NPFFR1: variants seen among roughly 807,000 people sequenced by gnomAD.
NPFFR1 encodes the protein neuropeptide FF receptor 1, also known as G-protein coupled receptor 147.
Under a neutral mutation model 12.7 loss-of-function variants are expected in NPFFR1, and 17 were observed. The ratio of observed to expected loss-of-function variants is 1.34; its 90% confidence interval spans 0.92 to 2.01. The LOEUF (loss-of-function observed/expected upper bound fraction) is 2.01, where lower values mean the gene tolerates loss of function less well. NPFFR1 is among the 30% of genes most tolerant of loss of function. The pLI is 0.00. For missense variants in NPFFR1, 604 were observed against 606.5 expected, an observed-to-expected ratio of 1.00 and a Z score of 0.04; for synonymous variants, 296 against 264.5, an observed-to-expected ratio of 1.12 and a Z score of -1.16.
Position 70,266,459 on chromosome 10 carries a change from A to G in NPFFR1, c.8-68T>C, listed in dbSNP as rs1840692565. 3 of 1,278,392 alleles carry G rather than the reference A, an allele frequency of 2.3e-6. No individual in the cohort carries two copies. The South Asian group carries it at 4.4e-5, about 19-fold the overall frequency. The allele number at this position is 1,278,392 out of a possible 1,614,324, so 79.2% of individuals were successfully genotyped here. On this transcript the variant is annotated intron_variant, in intron 1 of 3. Coordinates refer to ENST00000277942, the MANE Select transcript of NPFFR1 (RefSeq NM_022146.5). ...AGAGATTACCGATTTCTCACCACTA[A>G]TGAGACCCTCTGTGTGCCAAACCTT...
chr10:70,261,424 G>A (rs1840632320), intron 2 of NPFFR1, among the ~76,000 whole-genome samples: 1 of 152,150 alleles, frequency 6.6e-6, no homozygotes, highest in African/African-American at 2.4e-5. Context: ...ATAGCAGCAT[G>A]AGAATGGCCT....
Position 70,283,742 on chromosome 10 carries a change from C to G in NPFFR1, c.-66G>C, listed in dbSNP as rs1840886414. 2 of 1,514,004 alleles carry G rather than the reference C, an allele frequency of 1.3e-6. No individual in the cohort carries two copies. Among genetic ancestry groups the G allele is most frequent in the African/African-American group, 2.8e-5 (2 of 72,620 alleles). The allele number at this position is 1,514,004 out of a possible 1,614,324, so 93.8% of individuals were successfully genotyped here. On this transcript the variant is annotated 5_prime_UTR_variant, in exon 1 of 4. Transcript: ENST00000277942. Reference sequence around the variant, plus strand: ...GAGGCAGCGGGCCCCTTCGGGCCAGCGGGCAGAGGGACGGTCTCCGGGCAC... The same window carrying G: ...GAGGCAGCGGGCCCCTTCGGGCCAGGGGGCAGAGGGACGGTCTCCGGGCAC...
chr10:70,264,366 C>CAAAAAAAAAAAAAAAAAA (rs56178146), intron 2 of NPFFR1, among the ~76,000 whole-genome samples: 1 of 74,582 alleles, frequency 1.3e-5, no homozygotes, highest in African/African-American at 5.5e-5. Context: ...AGTGAGACTC[C>CAAAAAAAAAAAAAAAAAA]AAAAAAAAAA....
At position 70,252,393 on chromosome 10, in the gene NPFFR1, A is replaced by G. The variant is rs193138190; in HGVS notation, c.*2564T>C. ...CTAGGAGGAGAGGGGATGCGGTGAT[A>G]TTGTTTATAGATACAGAGTTGCAGT... On this transcript the variant is annotated 3_prime_UTR_variant, in exon 4 of 4. Transcript: ENST00000277942. 6.6e-6 allele frequency: 1 copy of G among 152,336 alleles called. No individual in the cohort carries two copies. Among genetic ancestry groups the G allele is most frequent in the East Asian group, 1.9e-4 (1 of 5,182 alleles). 9.4% of individuals were successfully genotyped at this position (152,336 alleles called of 1,614,324 possible). A position where few individuals can be genotyped will look rare whatever the true frequency, so the allele number is the denominator to read the frequency against.
At position 70,255,970 on chromosome 10, in the gene NPFFR1, T is replaced by A; in HGVS notation, c.423-143A>T. ...ACAGCTCAGACCTGAATTGGCTGAG[T>A]AGTCAAAGAACAAAGGCAGCTACAG... On this transcript the variant is annotated intron_variant, in intron 3 of 3. Transcript: ENST00000277942. This position sits in a 1 kb window ranked among gnomAD's most constrained non-coding sequence, Gnocchi z 4.2. 1.2e-6 allele frequency: 1 copy of A among 834,634 alleles called. No individual in the cohort carries two copies. The highest frequency in any genetic ancestry group is 1.8e-6 in the Non-Finnish European group (1 of 546,914). 51.7% of individuals were successfully genotyped at this position (834,634 alleles called of 1,614,324 possible). A position where few individuals can be genotyped will look rare whatever the true frequency, so the allele number is the denominator to read the frequency against.
intron 1 of NPFFR1, among the ~76,000 whole-genome samples, chr10:70,266,973 G>C (rs576476017): frequency 8.5e-5 from 13 of 152,320 alleles, no homozygotes; most frequent in Middle Eastern, 3.4e-3. Context: ...AATGGTAACA[G>C]CTTCCTGTGG....
intron 1 of NPFFR1, among the ~76,000 whole-genome samples, chr10:70,267,437 C>A (rs1485404560): frequency 6.6e-6 from 1 of 152,116 alleles, no homozygotes; most frequent in African/African-American, 2.4e-5. Context: ...TTTTTTTAAA[C>A]CCTCATTGAA....
Position 70,266,381 on chromosome 10 carries a change from G to C in NPFFR1, c.18C>G (p.Ser6=). Residue 6 remains serine (S), a synonymous_variant, in exon 2 of 4, where the codon TCC becomes TCG. Transcript: ENST00000277942. MEGEP[S]QPPNSSWPLS... is the part of the protein sequence containing the mutation. Reference sequence around the variant, plus strand: ...GGGGCCAACTGCTGTTGGGAGGCTGGGAGGGCTCCCCTAGGACCAAAGGAA... The same window carrying C: ...GGGGCCAACTGCTGTTGGGAGGCTGCGAGGGCTCCCCTAGGACCAAAGGAA... The C allele has an allele frequency of 6.2e-7, 1 of 1,612,418 alleles. No homozygotes were observed. The highest frequency in any genetic ancestry group is 8.5e-7 in the Non-Finnish European group (1 of 1,179,054).
chr10:70,257,700 G>A (rs1385508941), intron 3 of NPFFR1, among the ~76,000 whole-genome samples: 3 of 152,352 alleles, frequency 2.0e-5, no homozygotes, highest in East Asian at 3.9e-4. Context: ...TTGAGATAGA[G>A]GAAGGCCACT....
rs1462890042 is a variant in NPFFR1 at position 70,253,334 on chromosome 10, T to C, written c.*1623A>G. ...TTAGGCAAAAAAGCCTTTGGGGAAA[T>C]TACCAGCTCTCCCGTCATCCCCACC... On this transcript the variant is annotated 3_prime_UTR_variant, in exon 4 of 4. Coordinates refer to ENST00000277942, the MANE Select transcript of NPFFR1 (RefSeq NM_022146.5). 2.0e-5 allele frequency: 3 copies of C among 152,000 alleles called. No individual in the cohort carries two copies. Among genetic ancestry groups the C allele is most frequent in the South Asian group, 2.1e-4 (1 of 4,826 alleles). 9.4% of individuals were successfully genotyped at this position (152,000 alleles called of 1,614,324 possible).
In NPFFR1 at chr10:70,249,516, T is replaced by A. The variant is rs979121937; in HGVS notation, c.*5441A>T. The A allele has an allele frequency of 6.6e-6, 1 of 152,066 alleles. No homozygotes were observed. The highest frequency in any genetic ancestry group is 2.4e-5 in the African/African-American group (1 of 41,386). 9.4% of individuals were successfully genotyped at this position (152,066 alleles called of 1,614,324 possible). ...ATTATTATTTGAGATGGAATCTCAC[T>A]CTGTCACCTAGGCTGGAGTGCAGTG... On this transcript the variant is annotated 3_prime_UTR_variant, in exon 4 of 4. Transcript: ENST00000277942.
chr10:70,260,731 A>G lies in NPFFR1; in HGVS notation c.331T>C (p.Phe111Leu). The change falls in exon 3 of 4, where the codon TTC (phenylalanine) becomes CTC (leucine). Residue 111 changes from phenylalanine to leucine, a missense_variant. Transcript: ENST00000277942. Reference sequence around the variant, plus strand: ...CTCATCTTGCATGTGGCATTGTCGAAGGGCCACCCTGCAATGACAGAGGCC... The same window carrying G: ...CTCATCTTGCATGTGGCATTGTCGAGGGGCCACCCTGCAATGACAGAGGCC... ...LVDNLITGWP[F>L]DNATCKMSGL... The G allele has an allele frequency of 6.3e-7, 1 of 1,599,486 alleles. No homozygotes were observed. The highest frequency in any genetic ancestry group is 8.5e-7 in the Non-Finnish European group (1 of 1,173,182).
intron 2 of NPFFR1, 89 bp downstream of exon 2, chr10:70,265,988 T>C (rs148861033): frequency 3.2e-6 from 4 of 1,264,346 alleles, no homozygotes; most frequent in East Asian, 2.3e-5. Context: ...AGCAATGATA[T>C]CTGTCTTCTA....
chr10:70,263,077 A>C (rs1306335898), intron 2 of NPFFR1, among the ~76,000 whole-genome samples: 1 of 152,072 alleles, frequency 6.6e-6, no homozygotes, highest in South Asian at 2.1e-4. Flanking sequence ...TGAGGTGGGA[A>C]GATCTCTTGA....
At chr10:70,265,580 G>C (rs116962914) in intron 2 of NPFFR1, among the ~76,000 whole-genome samples, 10 of 152,144 alleles carry the variant, frequency 6.6e-5, no homozygotes, top group Non-Finnish European at 1.5e-4. Flanking sequence ...TGGAGTTTTC[G>C]TTCCCGATTC....
chr10:70,257,855 C>T (rs1276082798), intron 3 of NPFFR1, among the ~76,000 whole-genome samples: 1 of 152,226 alleles, frequency 6.6e-6, no homozygotes, highest in African/African-American at 2.4e-5. Flanking sequence ...CTTTACTCCA[C>T]TGAGATGTTT....
rs374294299 is a variant in NPFFR1 at position 70,272,529 on chromosome 10, C to T, written c.8-6138G>A. Reference sequence around the variant, plus strand: ...ACAGGACTGATGGCTGTTAACTACACGAAACAAAAAGTTCAAGTTCATTTG... The same window carrying T: ...ACAGGACTGATGGCTGTTAACTACATGAAACAAAAAGTTCAAGTTCATTTG... On this transcript the variant is annotated intron_variant, in intron 1 of 3. Transcript: ENST00000277942. Among the ~76,000 whole-genome samples, 27 of 152,346 alleles carry T rather than the reference C, an allele frequency of 1.8e-4. No homozygotes were observed. The South Asian group carries it at 4.1e-3, about 23-fold the overall frequency.
chr10:70,272,211 G>GAAAGAAAGAGA (rs10664195), intron 1 of NPFFR1, among the ~76,000 whole-genome samples: 1,696 of 55,888 alleles, frequency 0.03, 35 homozygotes, highest in South Asian at 0.041. Context: ...AAGAAAGAAA[G>GAAAGAAAGAGA]GAAAGAAAGA....
rs199731225 is a variant in NPFFR1, at chr10:70,266,393, T to C, written c.8-2A>G. On this transcript the variant is annotated splice_acceptor_variant, in intron 1 of 3. Coordinates refer to ENST00000277942, the MANE Select transcript of NPFFR1 (RefSeq NM_022146.5). LOFTEE classifies it high-confidence loss of function. ...TGTTGGGAGGCTGGGAGGGCTCCCC[T>C]AGGACCAAAGGAATATATTGGTCAG... 5,053 of 1,609,140 alleles carry C rather than the reference T, an allele frequency of 3.1e-3. 7 individuals are homozygous for C. Among genetic ancestry groups the C allele is most frequent in the Non-Finnish European group, 3.9e-3 (4,612 of 1,177,320 alleles).
Sources: allele counts gnomAD v4.1 joint callset (sites outside exome capture counted in the v4.1 genomes callset), GRCh38; gene constraint gnomAD v4.1.1; non-coding constraint Gnocchi (gnomAD v3.1); transcripts MANE v1.5; gene names NCBI Gene and HGNC (gene_info 2026-07-23, HGNC 2026-07-21).